The following SYT16 variants were observed in gnomAD, a reference collection of about 807,000 sequenced individuals.
SYT16 encodes synaptotagmin-16.
Under a neutral mutation model 61.4 loss-of-function variants are expected in SYT16, and 42 were observed. That is an observed-to-expected ratio of 0.68 (90% CI 0.53 to 0.89). The LOEUF is 0.89. Ranked by LOEUF, SYT16 falls within the 40% of genes least tolerant of loss-of-function variation. SYT16 has a pLI of 0.00. For synonymous variants in SYT16, 314 were observed against 302.3 expected, an observed-to-expected ratio of 1.04 and a Z score of -0.40; for missense variants, 804 against 807.3, an observed-to-expected ratio of 1.00 and a Z score of 0.05.
intron 1 of SYT16, among the ~76,000 whole-genome samples, chr14:61,897,647 C>G (rs2048369966): frequency 1.3e-5 from 2 of 151,998 alleles, no homozygotes; most frequent in Non-Finnish European, 2.9e-5. Context: ...TCAGGGAGCT[C>G]CTGCATAGCA....
intron 3 of SYT16, among the ~76,000 whole-genome samples, chr14:62,064,243 A>ACCCACATC (rs1749868533): frequency 6.6e-6 from 1 of 150,754 alleles, no homozygotes; most frequent in Non-Finnish European, 1.5e-5. Flanking sequence ...GTTAAATGAA[A>ACCCACATC]CCCACATCAG....
At chr14:61,817,654 A>G (rs1301714721) in intron 1 of SYT16, among the ~76,000 whole-genome samples, 1 of 152,182 alleles carries the variant, frequency 6.6e-6, no homozygotes, top group Admixed American at 6.5e-5. Flanking sequence ...AATGCAATGG[A>G]TGATTTCAGG....
intron 3 of SYT16, among the ~76,000 whole-genome samples, chr14:62,008,828 T>A (rs2053330746): frequency 6.6e-6 from 1 of 152,162 alleles, no homozygotes; most frequent in Admixed American, 6.5e-5. Flanking sequence ...TACATGGTAG[T>A]CAACTGTATT....
intron 1 of SYT16, among the ~76,000 whole-genome samples, chr14:61,935,197 C>T (rs1594950090): frequency 6.6e-6 from 1 of 152,136 alleles, no homozygotes; most frequent in South Asian, 2.1e-4. Context: ...TGGCCTTGCT[C>T]CTCCAGCCAA....
chr14:62,075,051 T>C (rs1050068912), intron 4 of SYT16, 84 bp from the exon 5 acceptor site: 84 of 1,436,162 alleles, frequency 5.8e-5, no homozygotes, highest in Non-Finnish European at 7.8e-5. Flanking sequence ...ATCTTGATTG[T>C]TGTGACTGCA....
intron 1 of SYT16, among the ~76,000 whole-genome samples, chr14:61,858,534 A>T (rs2046855090): frequency 6.6e-6 from 1 of 152,194 alleles, no homozygotes; most frequent in Non-Finnish European, 1.5e-5. Context: ...GGTAGATAAA[A>T]TAAAGCTTTC....
intron 5 of SYT16, among the ~76,000 whole-genome samples, chr14:62,080,376 G>A (rs1202571668): frequency 6.6e-6 from 1 of 152,094 alleles, no homozygotes; most frequent in Admixed American, 6.5e-5. Flanking sequence ...CACCTTCCTG[G>A]GACTCCCATC....
At chr14:61,947,199 G>A (rs1287405707) in intron 1 of SYT16, among the ~76,000 whole-genome samples, 3 of 151,224 alleles carry the variant, frequency 2.0e-5, no homozygotes, top group Non-Finnish European at 4.4e-5. Flanking sequence ...CCTGGGCTCT[G>A]GTCTCAGCTC....
chr14:62,026,126 G>A (rs1294610007), intron 3 of SYT16, among the ~76,000 whole-genome samples: 1 of 152,088 alleles, frequency 6.6e-6, no homozygotes, highest in African/African-American at 2.4e-5. Context: ...GTTTGGAGTA[G>A]CTCTTTGTCC....
At chr14:61,986,202 T>C (rs1423828259) in intron 2 of SYT16, among the ~76,000 whole-genome samples, 1 of 152,076 alleles carries the variant, frequency 6.6e-6, no homozygotes, top group Non-Finnish European at 1.5e-5. Flanking sequence ...CCCCTGATTA[T>C]TATTGTTATT....
At chr14:62,058,246 G>A (rs930811129) in intron 3 of SYT16, among the ~76,000 whole-genome samples, 1 of 151,534 alleles carries the variant, frequency 6.6e-6, no homozygotes, top group Non-Finnish European at 1.5e-5. Flanking sequence ...ACATTTGTAA[G>A]TCTTTGTGTG....
intron 1 of SYT16, among the ~76,000 whole-genome samples, chr14:61,948,818 G>A (rs960590422): frequency 6.6e-6 from 1 of 152,202 alleles, no homozygotes; most frequent in South Asian, 2.1e-4. Flanking sequence ...TAAGAAAGTG[G>A]TTGAAGTGAT....
intron 1 of SYT16, among the ~76,000 whole-genome samples, chr14:61,904,632 C>G (rs2048638329): frequency 6.6e-6 from 1 of 152,156 alleles, no homozygotes; most frequent in Non-Finnish European, 1.5e-5. Context: ...ATCTGTGTAT[C>G]TTTGAACACT....
At chr14:62,064,664 C>T (rs200423063) in intron 3 of SYT16, among the ~76,000 whole-genome samples, 1 of 152,092 alleles carries the variant, frequency 6.6e-6, no homozygotes, top group African/African-American at 2.4e-5. Context: ...ACATGGACTT[C>T]GGAGCAAGAC....
chr14:62,020,439 C>T (rs2053866743), intron 3 of SYT16, among the ~76,000 whole-genome samples: 1 of 152,190 alleles, frequency 6.6e-6, no homozygotes, highest in Non-Finnish European at 1.5e-5. Flanking sequence ...CCTCTTCTCT[C>T]TCCGTCTTTA....
intron 1 of SYT16, among the ~76,000 whole-genome samples, chr14:61,854,103 T>C (rs1346518026): frequency 6.6e-6 from 1 of 152,178 alleles, no homozygotes; most frequent in Non-Finnish European, 1.5e-5. Context: ...CCCCAATATG[T>C]GTATGTGTAC....
intron 2 of SYT16, among the ~76,000 whole-genome samples, chr14:61,993,437 A>C (rs1367169170): frequency 6.6e-6 from 1 of 152,154 alleles, no homozygotes; most frequent in Non-Finnish European, 1.5e-5. Context: ...AAAATTAAAA[A>C]ATTCAGAACA....
chr14:61,865,046 C>T (rs1312352153), intron 1 of SYT16: 27 of 1,407,376 alleles, frequency 1.9e-5, no homozygotes, highest in East Asian at 2.3e-5. Flanking sequence ...TATTCGGCTG[C>T]GGAGCTGCAG....
intron 2 of SYT16, among the ~76,000 whole-genome samples, chr14:61,992,806 A>G (rs1485038438): frequency 1.3e-5 from 2 of 152,256 alleles, no homozygotes; most frequent in South Asian, 2.1e-4. Context: ...TGAAGATTAT[A>G]TAGAGTTGGA....
Sources: gnomAD v4.1 joint callset for allele counts (sites outside exome capture counted in the v4.1 genomes callset) on GRCh38, gnomAD v4.1.1 for gene constraint, MANE v1.5 for transcripts, NCBI Gene and HGNC (gene_info 2026-07-23, HGNC 2026-07-21) for gene names.